DIDO1: variants seen among roughly 807,000 people sequenced by gnomAD.
DIDO1 encodes the protein death-inducer obliterator 1.
Under a neutral mutation model 99.4 loss-of-function variants are expected in DIDO1, and 16 were observed. The observed-to-expected ratio is 0.16, with a 90% CI of 0.11 to 0.24. The LOEUF (loss-of-function observed/expected upper bound fraction) is 0.24, where lower values mean the gene tolerates loss of function less well. DIDO1 is among the 10% of genes least tolerant of loss of function. DIDO1 has a pLI of 1.00. For synonymous variants in DIDO1, 1,366 were observed against 1,239.1 expected (o/e 1.10, Z -2.15); for missense variants, 2,996 against 3,014.0 (o/e 0.99, Z 0.14).
At chr20:62,901,930 C>G in intron 6 of DIDO1, among the ~76,000 whole-genome samples, 1 of 151,976 alleles carries the variant, frequency 6.6e-6, no homozygotes, top group African/African-American at 2.4e-5. Context: ...GACCTCTGCA[C>G]TCTGTGACAC....
chr20:62,893,038 T>G lies in DIDO1; in HGVS notation c.3102-76A>C, dbSNP rs2147396286. 2.7e-6 allele frequency: 4 copies of G among 1,489,868 alleles called. No individual in the cohort carries two copies. In the East Asian group the frequency reaches 9.2e-5, roughly 34 times the overall value. The allele number at this position is 1,489,868 out of a possible 1,614,324, so 92.3% of individuals were successfully genotyped here. A position where few individuals can be genotyped will look rare whatever the true frequency, so the allele number is the denominator to read the frequency against. The stretch of plus-strand genomic sequence containing the variant: ...AATTTCAAAAGTAGAAAGCCTTTTT[T>G]TTTTTTGAGACAGGATCTCATTCTG... On this transcript the variant is annotated intron_variant, in intron 12 of 15. Coordinates refer to ENST00000395343, the MANE Select transcript of DIDO1 (RefSeq NM_001193369.2).
intron 8 of DIDO1, among the ~76,000 whole-genome samples, chr20:62,895,991 A>G (rs914141079): frequency 6.6e-6 from 1 of 152,204 alleles, no homozygotes; most frequent in African/African-American, 2.4e-5. Context: ...TGTGGTGATA[A>G]AAGGTGGACT....
intron 6 of DIDO1, among the ~76,000 whole-genome samples, chr20:62,899,888 A>G (rs1227408289): frequency 6.6e-6 from 1 of 152,252 alleles, no homozygotes; most frequent in African/African-American, 2.4e-5. Flanking sequence ...CAGGTGGGAC[A>G]GCATGGCTGG....
intron 15 of DIDO1, among the ~76,000 whole-genome samples, chr20:62,886,822 TCAA>T (rs753033978): frequency 2.9e-4 from 44 of 152,186 alleles, no homozygotes; most frequent in Non-Finnish European, 5.3e-4. Context: ...TGGAAGTTAA[TCAA>T]CAAGGGGTGA....
intron 15 of DIDO1, among the ~76,000 whole-genome samples, chr20:62,884,201 G>C (rs1213401973): frequency 2.1e-5 from 2 of 96,644 alleles, no homozygotes; most frequent in Non-Finnish European, 5.2e-5. Flanking sequence ...CACAGTATTA[G>C]TTTAAAAAAA....
Position 62,909,717 on chromosome 20 carries a change from T to C in DIDO1, c.1143A>G (p.Lys381=). 2 of 1,613,256 alleles carry C rather than the reference T, an allele frequency of 1.2e-6. No individual in the cohort carries two copies. The highest frequency in any genetic ancestry group is 1.7e-6 in the Non-Finnish European group (2 of 1,179,328). The change falls in exon 4 of 16, where the codon AAA becomes AAG. Residue 381 remains lysine (K), a synonymous_variant. Transcript: ENST00000395343. ...CACTTACAGGCTGGAAGATCTTGAG[T>C]TTCTTCTTGCCACTTGGATTTGCAG... The part of the protein sequence containing the change: ...EKAANPSGKK[K]LKIFQPVIEA...
At chr20:62,916,173 T>C (rs1472513151) in intron 1 of DIDO1, among the ~76,000 whole-genome samples, 1 of 152,192 alleles carries the variant, frequency 6.6e-6, no homozygotes, top group African/African-American at 2.4e-5. Context: ...ACAGGGGGAA[T>C]GTGTTCATAA....
rs759805671 is a variant in DIDO1, at chr20:62,880,355, GGGGGCGCCCGTCACCTCGTTATAC to G, written c.5577_5600del (p.Tyr1860_Pro1867del). 5.6e-6 allele frequency: 9 copies of G among 1,612,856 alleles called. No individual in the cohort carries two copies. In the South Asian group the frequency reaches 8.8e-5, roughly 16 times the overall value. On this transcript the variant is annotated inframe_deletion, in exon 16 of 16. Transcript: ENST00000395343. ...CTTGCTCTGTCCCTTCAAACTGGGC[GGGGGCGCCCGTCACCTCGTTATAC>G]GGGGCGTCCTGGAACTCCCTCTTCT... is the stretch of plus-strand genomic sequence containing the variant.
intron 1 of DIDO1, among the ~76,000 whole-genome samples, chr20:62,934,556 C>T (rs759536212): frequency 6.6e-6 from 1 of 152,162 alleles, no homozygotes; most frequent in Non-Finnish European, 1.5e-5. Flanking sequence ...CTCAGTCTCA[C>T]CTGCTGCTGC....
chr20:62,879,277 C>T lies in DIDO1; in HGVS notation c.6679G>A (p.Glu2227Lys), dbSNP rs2064153672. ...CCAGCGTCGGAGGCCCTCGAGGCCTCGGGCTTCGGGTCCCGAGCGCTCTCT... is the reference window on the plus strand; with the variant it reads ...CCAGCGTCGGAGGCCCTCGAGGCCTTGGGCTTCGGGTCCCGAGCGCTCTCT... ...SKESARDPKP[E>K]ASRASDAGTA... Residue 2227 changes from glutamate (E) to lysine (K), a missense_variant, in exon 16 of 16, where the codon GAG becomes AAG. Around this residue, in one of 5 missense-constraint regions of DIDO1, gnomAD observed 1,562 missense variants for 1,412.6 expected, o/e 1.11. Coordinates refer to ENST00000395343, the MANE Select transcript of DIDO1 (RefSeq NM_001193369.2). This position sits in a 1 kb window ranked among gnomAD's most constrained non-coding sequence, Gnocchi z 6.3. The T allele has an allele frequency of 1.3e-6, 2 of 1,573,070 alleles. No homozygotes were observed. The highest frequency in any genetic ancestry group is 1.7e-6 in the Non-Finnish European group (2 of 1,162,882).
At chr20:62,895,234 A>G (rs1323110270) in intron 8 of DIDO1, 69 bp from the exon 9 acceptor site, 3 of 1,422,966 alleles carry the variant, frequency 2.1e-6, no homozygotes, top group Non-Finnish European at 3.0e-6. Context: ...AGCTTCTGGA[A>G]AACACAGCTG....
chr20:62,880,912 G>A lies in DIDO1; in HGVS notation c.5044C>T (p.Pro1682Ser). Residue 1682 changes from proline (P) to serine (S), a missense_variant, in exon 16 of 16, where the codon CCT becomes TCT. Around this residue, in one of 5 missense-constraint regions of DIDO1, gnomAD observed 1,562 missense variants for 1,412.6 expected, o/e 1.11. Coordinates refer to ENST00000395343, the MANE Select transcript of DIDO1 (RefSeq NM_001193369.2). ...FPLQHDGERDPFTCPGFASQD... is the reference protein window; with the variant it reads ...FPLQHDGERDSFTCPGFASQD... ...GACGCGAACCCCGGGCAGGTGAAAG[G>A]GTCCCTCTCACCGTCGTGCTGCAGC... 6.2e-7 allele frequency: 1 copy of A among 1,610,908 alleles called. No homozygotes were observed. Among genetic ancestry groups the A allele is most frequent in the Non-Finnish European group, 8.5e-7 (1 of 1,179,902 alleles).
At chr20:62,884,490 G>T (rs2147361279) in intron 15 of DIDO1, among the ~76,000 whole-genome samples, 1 of 152,332 alleles carries the variant, frequency 6.6e-6, no homozygotes, top group Middle Eastern at 3.4e-3. Flanking sequence ...TCACACTACA[G>T]ATTTTCTTCC....
In DIDO1 at chr20:62,926,423, G is replaced by C. The variant is rs1032668963; in HGVS notation, c.-200+16C>G. 1 of 146,286 alleles carries C rather than the reference G, an allele frequency of 6.8e-6. No individual in the cohort carries two copies. The highest frequency in any genetic ancestry group is 1.5e-5 in the Non-Finnish European group (1 of 65,232). 9.1% of individuals were successfully genotyped at this position (146,286 alleles called of 1,614,324 possible). ...GGCTCTTCTACCCGGCGCCCGGGAC[G>C]CCACTTACCGCAGGCCGCAGGCCTC... On this transcript the variant is annotated intron_variant, in intron 1 of 15. Coordinates refer to ENST00000395343, the MANE Select transcript of DIDO1 (RefSeq NM_001193369.2).
chr20:62,888,888 A>G (rs971033439), intron 15 of DIDO1: 1 of 985,350 alleles, frequency 1.0e-6, no homozygotes, highest in Non-Finnish European at 1.2e-6. Context: ...TTAACATTAT[A>G]CTGAAGTCTT....
At chr20:62,936,957 A>C (rs2065394228) in intron 1 of DIDO1, among the ~76,000 whole-genome samples, 1 of 152,250 alleles carries the variant, frequency 6.6e-6, no homozygotes, top group Admixed American at 6.5e-5. Context: ...TCTGCATATG[A>C]AGCATAATTT....
In DIDO1 at chr20:62,893,672, T is replaced by C. The variant is rs144513028; in HGVS notation, c.3095A>G (p.Asn1032Ser). Residue 1032 changes from asparagine (N) to serine (S), a missense_variant, in exon 12 of 16, where the codon AAT becomes AGT. Around this residue, in one of 5 missense-constraint regions of DIDO1, gnomAD observed 898 missense variants for 972.7 expected, o/e 0.92. Transcript: ENST00000395343. ...CCACACCTGAAGTACGCACCTGATA[T>C]TTGGTGACGGAGGAACTGACAGGTA... The part of the protein sequence containing the change: ...PRYLSVPPSP[N>S]ISTSESRSPP... 1.9e-6 allele frequency: 3 copies of C among 1,598,174 alleles called. 1 individual carries two copies. The highest frequency in any genetic ancestry group is 2.7e-5 in the African/African-American group (2 of 74,788).
At chr20:62,889,322 G>T in intron 15 of DIDO1, 1 of 985,302 alleles carries the variant, frequency 1.0e-6, no homozygotes, top group Non-Finnish European at 1.2e-6. Flanking sequence ...TGCCCAGTGT[G>T]GGGAACCCGG....
upstream of DIDO1, among the ~76,000 whole-genome samples, chr20:62,929,495 C>T (rs1427614600): frequency 6.6e-6 from 1 of 151,928 alleles, no homozygotes; most frequent in Non-Finnish European, 1.5e-5. Flanking sequence ...GCGGCCGGAA[C>T]ATAGTTCTTT....
Sources: gnomAD v4.1 joint callset for allele counts (sites outside exome capture counted in the v4.1 genomes callset) on GRCh38, gnomAD v4.1.1 for gene constraint, gnomAD v4.1.1 regional missense constraint, Gnocchi (gnomAD v3.1) non-coding constraint, MANE v1.5 for transcripts, NCBI Gene and HGNC (gene_info 2026-07-23, HGNC 2026-07-21) for gene names.